The following TPM1 variants were observed in gnomAD, a reference collection of about 807,000 sequenced individuals.
TPM1 encodes tropomyosin alpha-1 chain.
A neutral mutation model predicts 42.9 loss-of-function variants in TPM1; 24 were observed. The observed-to-expected ratio is 0.56, with a 90% CI of 0.41 to 0.79. The LOEUF (loss-of-function observed/expected upper bound fraction) is 0.79. Among genes scored for constraint, TPM1 ranks in the 30% least tolerant of loss-of-function variants. TPM1 has a pLI of 0.00. For missense variants in TPM1, 158 were observed against 351.8 expected (o/e 0.45, Z 4.41); for synonymous variants, 136 against 130.1 (o/e 1.05, Z -0.31).
At chr15:63,068,347 C>T (rs1277475179), downstream of TPM1, among the ~76,000 whole-genome samples, 1 of 152,146 alleles carries the variant, frequency 6.6e-6, no homozygotes, top group Non-Finnish European at 1.5e-5. Context: ...TGGGAGCTCC[C>T]TGGAGGAGGT....
rs756805858 is a variant in TPM1, at chr15:63,048,541, A to G, written c.240+4389A>G. 6 of 1,513,396 alleles carry G rather than the reference A, an allele frequency of 4.0e-6. No homozygotes were observed. In the African/African-American group the frequency reaches 4.3e-5, roughly 11 times the overall value. The allele number at this position is 1,513,396 out of a possible 1,614,324, so 93.7% of individuals were successfully genotyped here. ...CGCAGGGCAGCAGCCGGCCTCTCCCACTGCAGCCCTCCCGCCCGCCTACCG... is the reference window on the plus strand; with the variant it reads ...CGCAGGGCAGCAGCCGGCCTCTCCCGCTGCAGCCCTCCCGCCCGCCTACCG... On this transcript the variant is annotated intron_variant, in intron 2 of 9. Transcript: ENST00000403994.
chr15:63,060,785 G>A, intron 4 of TPM1, 84 bp from the exon 5 acceptor site: 1 of 1,468,854 alleles, frequency 6.8e-7, no homozygotes. Context: ...AGGGCCTGAT[G>A]GGATCTGATC....
At chr15:63,066,358 T>G (rs1176423829), downstream of TPM1, among the ~76,000 whole-genome samples, 7 of 151,410 alleles carry the variant, frequency 4.6e-5, no homozygotes, top group East Asian at 2.0e-4. Context: ...TCTGGGGGGG[T>G]TTTGGGGGAA....
chr15:63,063,073 G>GT (rs2035865019), intron 8 of TPM1: 1 of 979,348 alleles, frequency 1.0e-6, no homozygotes, highest in South Asian at 4.7e-5. Context: ...GGATTTAGGG[G>GT]TTATTTTAAG....
At chr15:63,047,870 A>C (rs970536000) in intron 2 of TPM1, 13 of 212,240 alleles carry the variant, frequency 6.1e-5, no homozygotes, top group Non-Finnish European at 1.1e-4. Context: ...GAAGACAGGT[A>C]ATGTGTCCGA....
chr15:63,061,099 G>T, intron 5 of TPM1, 160 bp downstream of exon 5: 1 of 1,460,858 alleles, frequency 6.8e-7, no homozygotes. Flanking sequence ...TGGAGGACTC[G>T]TGTGGGGTGT....
downstream of TPM1, among the ~76,000 whole-genome samples, chr15:63,069,139 C>T (rs2036454136): frequency 2.0e-5 from 3 of 152,170 alleles, no homozygotes; most frequent in South Asian, 2.1e-4. Context: ...GGGGACAGAG[C>T]GAGACTAAGT....
chr15:63,069,005 T>C (rs1224811330), downstream of TPM1, among the ~76,000 whole-genome samples: 1 of 150,666 alleles, frequency 6.6e-6, no homozygotes, highest in Non-Finnish European at 1.5e-5. Flanking sequence ...CAAAAAAAAT[T>C]AGCCAGGCGT....
intron 5 of TPM1, 176 bp from the exon 6 acceptor site, chr15:63,061,537 T>C: frequency 1.3e-6 from 1 of 748,670 alleles, no homozygotes; most frequent in Non-Finnish European, 2.3e-6. Flanking sequence ...TGTTGCGAGG[T>C]TGGGGGGCAG....
chr15:63,070,813 C>T, downstream of TPM1: 28 of 1,247,372 alleles, frequency 2.2e-5, no homozygotes, highest in Non-Finnish European at 2.8e-5. Flanking sequence ...GTCAGTGAAC[C>T]TTCACCAAAC....
chr15:63,068,030 A>G (rs2036381088), downstream of TPM1, among the ~76,000 whole-genome samples: 2 of 152,160 alleles, frequency 1.3e-5, no homozygotes, highest in Admixed American at 1.3e-4. Flanking sequence ...ATTTTCTCCA[A>G]AGTTCTTCCA....
At chr15:63,044,376 G>A in intron 2 of TPM1, 2 of 697,906 alleles carry the variant, frequency 2.9e-6, no homozygotes, top group Non-Finnish European at 2.4e-6. Context: ...TTACCTCCCT[G>A]GGGGTGGAGG....
intron 2 of TPM1, chr15:63,044,614 A>G: frequency 3.4e-6 from 1 of 291,692 alleles, no homozygotes; most frequent in Non-Finnish European, 6.5e-6. Context: ...AAATGAAAGA[A>G]ATGACACAGC....
chr15:63,048,707 C>T (rs1319647997), intron 2 of TPM1: 1 of 1,538,192 alleles, frequency 6.5e-7, no homozygotes, highest in African/African-American at 1.4e-5. Flanking sequence ...TGAGGGAGAC[C>T]GTAAGGGATA....
intron 5 of TPM1, chr15:63,061,459 G>A (rs901683851): frequency 2.6e-6 from 2 of 760,142 alleles, no homozygotes; most frequent in Admixed American, 4.2e-5. Context: ...AATGCTCTTT[G>A]GGCAGCCAAA....
At chr15:63,050,549 CAG>C (rs1413016208) in intron 2 of TPM1, among the ~76,000 whole-genome samples, 3 of 152,210 alleles carry the variant, frequency 2.0e-5, no homozygotes, top group Non-Finnish European at 4.4e-5. Flanking sequence ...GTTTTTATAA[CAG>C]AACTCTTCCT....
Position 63,066,119 on chromosome 15 carries a change from C to T in TPM1, c.*220C>T, listed in dbSNP as rs1047192916. ...TTTCTGTTTGCTATTCTTTTTACTTCTTATTTATTGACATTTTAGTTTCAA... is the reference window on the plus strand; with the variant it reads ...TTTCTGTTTGCTATTCTTTTTACTTTTTATTTATTGACATTTTAGTTTCAA... On this transcript the variant is annotated 3_prime_UTR_variant, in exon 10 of 10. Transcript: ENST00000403994. 19 of 1,486,380 alleles carry T rather than the reference C, an allele frequency of 1.3e-5. No individual in the cohort carries two copies. Among genetic ancestry groups the T allele is most frequent in the East Asian group, 2.5e-5 (1 of 40,374 alleles). 92.1% of individuals were successfully genotyped at this position (1,486,380 alleles called of 1,614,324 possible).
At chr15:63,043,352 A>T (rs553691287) in intron 1 of TPM1, 56 of 560,918 alleles carry the variant, frequency 1.0e-4, no homozygotes, top group Admixed American at 9.9e-4. Flanking sequence ...AGGAACCTTA[A>T]ACTTGGGGAG....
chr15:63,043,236 G>C, intron 1 of TPM1: 1 of 522,290 alleles, frequency 1.9e-6, no homozygotes, highest in Non-Finnish European at 3.5e-6. Context: ...GGGGGAGGGA[G>C]GAGGACACCC....
Sources: allele counts gnomAD v4.1 joint callset (sites outside exome capture counted in the v4.1 genomes callset), GRCh38; gene constraint gnomAD v4.1.1; transcripts MANE v1.5; gene names NCBI Gene and HGNC (gene_info 2026-07-23, HGNC 2026-07-21).